The following ABI1 variants were observed in gnomAD, a reference collection of about 807,000 sequenced individuals.
The protein encoded by ABI1 is Abelson interactor 1.
In ABI1, 14 loss-of-function variants were observed where a neutral mutation model predicts 54.6. The ratio of observed to expected loss-of-function variants is 0.26; its 90% CI spans 0.17 to 0.40. The LOEUF is 0.40. Ranked by LOEUF, ABI1 falls within the 10% of genes least tolerant of loss-of-function variation. The pLI is 1.00. For missense variants in ABI1, 443 were observed against 598.3 expected (o/e 0.74, Z 2.71); for synonymous variants, 194 against 209.3 (o/e 0.93, Z 0.63).
Position 26,851,616 on chromosome 10 carries a change from A to C in ABI1, c.117+9131T>G, listed in dbSNP as rs374430672. ...TGAAATGTTTCAATTGTGAAAGCAC[A>C]AATTCAGTAAAGAGAGGAGGTATAA... On this transcript the variant is annotated intron_variant, in intron 1 of 10. Transcript: ENST00000376140. 1.2e-3 allele frequency among the ~76,000 whole-genome samples: 178 copies of C among 152,246 alleles called. 1 individual carries two copies. In the South Asian group the frequency reaches 0.015, roughly 13 times the overall value.
At chr10:26,797,383 T>C (rs1052741160) in intron 2 of ABI1, among the ~76,000 whole-genome samples, 8 of 152,230 alleles carry the variant, frequency 5.3e-5, no homozygotes, top group African/African-American at 1.4e-4. Flanking sequence ...ATAAGTGCTC[T>C]AGAAAGCACG....
At position 26,749,228 on chromosome 10, in the gene ABI1, A is replaced by AT. The variant is rs147943440; in HGVS notation, c.1271-484dup. ...TGCTAATTTAAGGGACTGTCCCCAG[A>AT]TTTTTTTTTAAAGAATATTTACTTA... On this transcript the variant is annotated intron_variant, in intron 10 of 10. Transcript: ENST00000376140. Among the ~76,000 whole-genome samples, 2,722 of 151,788 alleles carry AT rather than the reference A, an allele frequency of 0.018. 189 individuals are homozygous for AT. The South Asian group carries it at 0.19, about 11-fold the overall frequency.
chr10:26,792,516 A>G (rs1316451179), intron 2 of ABI1, among the ~76,000 whole-genome samples: 6 of 152,224 alleles, frequency 3.9e-5, no homozygotes, highest in Admixed American at 3.9e-4. Context: ...CTAAAATAGT[A>G]TGAATAAAAG....
At chr10:26,819,433 C>T (rs1006328253) in intron 2 of ABI1, among the ~76,000 whole-genome samples, 1 of 152,048 alleles carries the variant, frequency 6.6e-6, no homozygotes, top group Non-Finnish European at 1.5e-5. Context: ...AAATACGTAA[C>T]AGAAAAAAGA....
At chr10:26,835,088 CAAAAAAAAAAAAAAA>C (rs201431383) in intron 1 of ABI1, among the ~76,000 whole-genome samples, 3 of 32,140 alleles carry the variant, frequency 9.3e-5, no homozygotes, top group Admixed American at 3.0e-4. Flanking sequence ...GATTCTACCT[CAAAAAAAAAAAAAAA>C]AAAAAAAAAA....
intron 1 of ABI1, among the ~76,000 whole-genome samples, chr10:26,832,428 A>C (rs929077219): frequency 1.3e-5 from 2 of 151,942 alleles, no homozygotes; most frequent in Non-Finnish European, 1.5e-5. Flanking sequence ...TAAAAAATAC[A>C]AAAAAATTAG....
At chr10:26,816,995 T>TGC (rs1057283928) in intron 2 of ABI1, among the ~76,000 whole-genome samples, 4 of 133,482 alleles carry the variant, frequency 3.0e-5, no homozygotes, top group African/African-American at 1.0e-4. Flanking sequence ...TTTGTGTGTG[T>TGC]GTGTGTGTGT....
intron 2 of ABI1, among the ~76,000 whole-genome samples, chr10:26,777,603 C>T (rs1841577287): frequency 6.6e-6 from 1 of 152,010 alleles, no homozygotes; most frequent in African/African-American, 2.4e-5. Context: ...ATGGCAAAAC[C>T]CTGTCTCTAC....
At chr10:26,851,348 A>AT (rs397724445) in intron 1 of ABI1, among the ~76,000 whole-genome samples, 29,663 of 67,494 alleles carry the variant, frequency 0.44, 9,570 homozygotes, top group Non-Finnish European at 0.56. Flanking sequence ...GACTAAGCTA[A>AT]TTTTTTTTTT....
chr10:26,830,636 A>C (rs1393620786), intron 1 of ABI1, among the ~76,000 whole-genome samples: 4 of 151,720 alleles, frequency 2.6e-5, no homozygotes, highest in South Asian at 2.1e-4. Flanking sequence ...AAAAAAAAAA[A>C]AAAAACAAAA....
intron 1 of ABI1, chr10:26,839,664 A>T (rs2049341900): frequency 1.6e-6 from 1 of 637,072 alleles, no homozygotes; most frequent in Non-Finnish European, 2.8e-6. Flanking sequence ...AAAAAAAAAA[A>T]AACATGCCAG....
intron 2 of ABI1, among the ~76,000 whole-genome samples, chr10:26,792,266 AATAAGT>A (rs1170744531): frequency 2.6e-5 from 4 of 152,206 alleles, no homozygotes; most frequent in Admixed American, 2.6e-4. Context: ...TATTCTTTTG[AATAAGT>A]GTAATTTTTG....
At position 26,839,656 on chromosome 10, in the gene ABI1, A is replaced by C. The variant is rs571033319; in HGVS notation, c.118-16351T>G. On this transcript the variant is annotated intron_variant, in intron 1 of 10. Transcript: ENST00000376140. ...GAAAAAGAAGTACTTCTGTTTAAAA[A>C]AAAAAAAAAACATGCCAGGCTTGGT... 1,504 of 629,154 alleles carry C rather than the reference A, an allele frequency of 2.4e-3. 6 individuals are homozygous for C. Among genetic ancestry groups the C allele is most frequent in the Non-Finnish European group, 3.8e-3 (1,377 of 359,194 alleles). 39.0% of individuals were successfully genotyped at this position (629,154 alleles called of 1,614,324 possible).
chr10:26,859,152 G>A (rs1361382891), intron 1 of ABI1, among the ~76,000 whole-genome samples: 2 of 151,648 alleles, frequency 1.3e-5, no homozygotes, highest in African/African-American at 4.8e-5. Flanking sequence ...TTTTTCGAAG[G>A]GCTAAATATA....
intron 1 of ABI1, among the ~76,000 whole-genome samples, chr10:26,839,445 G>A (rs982083297): frequency 2.0e-5 from 3 of 151,974 alleles, no homozygotes; most frequent in African/African-American, 4.8e-5. Flanking sequence ...GCAGTGAGCC[G>A]AGATCATGCC....
intron 3 of ABI1, among the ~76,000 whole-genome samples, chr10:26,773,846 G>T (rs994561718): frequency 6.6e-6 from 1 of 152,128 alleles, no homozygotes; most frequent in African/African-American, 2.4e-5. Context: ...CATGTCTCCT[G>T]TGGTCTGAAG....
intron 1 of ABI1, among the ~76,000 whole-genome samples, chr10:26,826,550 C>T (rs535528198): frequency 1.9e-4 from 29 of 152,334 alleles, no homozygotes; most frequent in African/African-American, 7.0e-4. Context: ...GTCAGCCTAG[C>T]CTTTGAAGGC....
chr10:26,852,420 G>A (rs2050470698), intron 1 of ABI1, among the ~76,000 whole-genome samples: 1 of 152,078 alleles, frequency 6.6e-6, no homozygotes, highest in Non-Finnish European at 1.5e-5. Context: ...CAGAAGTTGA[G>A]GTGAGCAGAG....
intron 7 of ABI1, chr10:26,763,736 A>C (rs187578107): frequency 3.3e-5 from 21 of 640,610 alleles, no homozygotes; most frequent in African/African-American, 3.0e-4. Context: ...ACCAGAAGTT[A>C]GTGATATTAG....
Sources: gnomAD v4.1 joint callset for allele counts (sites outside exome capture counted in the v4.1 genomes callset) on GRCh38, gnomAD v4.1.1 for gene constraint, MANE v1.5 for transcripts, NCBI Gene and HGNC (gene_info 2026-07-23, HGNC 2026-07-21) for gene names.